NCS1: variants seen among roughly 807,000 people sequenced by gnomAD.
NCS1 encodes the protein frequenin homolog.
A neutral mutation model predicts 28.4 loss-of-function variants in NCS1; 6 were observed. The ratio of observed to expected loss-of-function variants is 0.21; its 90% CI spans 0.12 to 0.42. The LOEUF is 0.42. Ranked by LOEUF, NCS1 falls within the 10% of genes least tolerant of loss-of-function variation. The pLI is 1.00. For missense variants in NCS1, 131 were observed against 241.4 expected (o/e 0.54, Z 3.03); for synonymous variants, 86 against 99.3 (o/e 0.87, Z 0.79).
At chr9:130,203,551 G>A (rs148366642) in intron 2 of NCS1, among the ~76,000 whole-genome samples, 12 of 152,158 alleles carry the variant, frequency 7.9e-5, no homozygotes, top group Non-Finnish European at 1.2e-4. Context: ...AGGGACAGAC[G>A]TGAGCAGCTG....
At chr9:130,184,512 C>T (rs151086205) in intron 1 of NCS1, among the ~76,000 whole-genome samples, 68 of 152,310 alleles carry the variant, frequency 4.5e-4, no homozygotes, top group African/African-American at 1.4e-3. Context: ...TGCATCCCCG[C>T]GCCTTCACCT....
chr9:130,192,698 T>C lies in NCS1; in HGVS notation c.65-8260T>C, dbSNP rs2131128247. 6.6e-6 allele frequency among the ~76,000 whole-genome samples: 1 copy of C among 152,118 alleles called. No individual in the cohort carries two copies. The highest frequency in any genetic ancestry group is 1.9e-4 in the East Asian group (1 of 5,176). ...CTTCTGAAATCACCTGATGCTGCCGTGTGACTCCAGGGAGGTTCTCCCCCA... is the reference window on the plus strand; with the variant it reads ...CTTCTGAAATCACCTGATGCTGCCGCGTGACTCCAGGGAGGTTCTCCCCCA... On this transcript the variant is annotated intron_variant, in intron 1 of 7. Transcript: ENST00000372398. The surrounding 1 kb of genome is among the most constrained non-coding windows in gnomAD (Gnocchi z 4.8).
rs138726904 is a variant in NCS1, at chr9:130,175,681, CTGTGTG to C, written c.64+2959_64+2964del. ...CGTCTCTGGCTCTGTCTGTGGTGGT[CTGTGTG>C]TGTGAGGAAGCAGGAGTGTCTAAAG... On this transcript the variant is annotated intron_variant, in intron 1 of 7. Coordinates refer to ENST00000372398, the MANE Select transcript of NCS1 (RefSeq NM_014286.4). The surrounding 1 kb of genome is among the most constrained non-coding windows in gnomAD (Gnocchi z 4.9). Among the ~76,000 whole-genome samples the C allele has an allele frequency of 1.3e-5, 2 of 152,230 alleles. No homozygotes were observed. Among genetic ancestry groups the C allele is most frequent in the African/African-American group, 4.8e-5 (2 of 41,532 alleles).
intron 6 of NCS1, among the ~76,000 whole-genome samples, chr9:130,224,946 C>A (rs1554911199): frequency 4.6e-5 from 7 of 152,146 alleles, no homozygotes; most frequent in African/African-American, 1.7e-4. Flanking sequence ...CATCCCAGCA[C>A]TTTGGGAGGC....
chr9:130,198,746 G>A lies in NCS1; in HGVS notation c.65-2212G>A, dbSNP rs974381142. ...AGTCAGGGGAAGCAATTTGCCCAAGGACACACAGTGCCCTGTGGGGCCGGA... is the reference window on the plus strand; with the variant it reads ...AGTCAGGGGAAGCAATTTGCCCAAGAACACACAGTGCCCTGTGGGGCCGGA... On this transcript the variant is annotated intron_variant, in intron 1 of 7. Transcript: ENST00000372398. Among the ~76,000 whole-genome samples, 3 of 152,202 alleles carry A rather than the reference G, an allele frequency of 2.0e-5. No homozygotes were observed. The South Asian group carries it at 6.2e-4, about 32-fold the overall frequency.
In NCS1 at chr9:130,186,184, C is replaced by T. The variant is rs141916350; in HGVS notation, c.64+13457C>T. ...AACAGCTGCCTCGTGTTAGGCCCTG[C>T]GGATGCTGGGGCCACAGGGCAGGCT... On this transcript the variant is annotated intron_variant, in intron 1 of 7. Coordinates refer to ENST00000372398, the MANE Select transcript of NCS1 (RefSeq NM_014286.4). This position sits in a 1 kb window ranked among gnomAD's most constrained non-coding sequence, Gnocchi z 4.1. Among the ~76,000 whole-genome samples, 655 of 152,300 alleles carry T rather than the reference C, an allele frequency of 4.3e-3. 4 individuals are homozygous for T. The highest frequency in any genetic ancestry group is 0.015 in the African/African-American group (621 of 41,556).
At chr9:130,196,154 G>A (rs369636615) in intron 1 of NCS1, among the ~76,000 whole-genome samples, 1 of 152,308 alleles carries the variant, frequency 6.6e-6, no homozygotes, top group East Asian at 1.9e-4. Flanking sequence ...GGGAACTGCT[G>A]GGGGCACAGG....
chr9:130,208,011 A>G (rs893287488), intron 2 of NCS1, among the ~76,000 whole-genome samples: 3 of 151,996 alleles, frequency 2.0e-5, no homozygotes, highest in African/African-American at 7.3e-5. Flanking sequence ...AAGATCAGGA[A>G]CCACAATGAG....
chr9:130,173,156 G>A (rs954993369), intron 1 of NCS1, among the ~76,000 whole-genome samples: 24 of 151,856 alleles, frequency 1.6e-4, no homozygotes, highest in African/African-American at 5.1e-4. Context: ...CGCCGCCGCT[G>A]CTGCGAGATT....
At chr9:130,207,138 G>A (rs1833034660) in intron 2 of NCS1, among the ~76,000 whole-genome samples, 1 of 152,298 alleles carries the variant, frequency 6.6e-6, no homozygotes, top group South Asian at 2.1e-4. Context: ...ACGGGTCCGA[G>A]CCCCTGGTCT....
At chr9:130,174,320 T>C (rs1398398356) in intron 1 of NCS1, among the ~76,000 whole-genome samples, 4 of 152,244 alleles carry the variant, frequency 2.6e-5, no homozygotes, top group African/African-American at 9.6e-5. Flanking sequence ...ATCGAGCATG[T>C]CACGTGCCAA....
In NCS1 at chr9:130,180,487, G is replaced by A. The variant is rs546870198; in HGVS notation, c.64+7760G>A. ...AGATGAATCAATTTTCACATTCTGT[G>A]TGTGATCTATTTTGCAGGGCAGAGA... On this transcript the variant is annotated intron_variant, in intron 1 of 7. Coordinates refer to ENST00000372398, the MANE Select transcript of NCS1 (RefSeq NM_014286.4). This position sits in a 1 kb window ranked among gnomAD's most constrained non-coding sequence, Gnocchi z 4.5. Among the ~76,000 whole-genome samples the A allele has an allele frequency of 2.7e-3, 404 of 152,328 alleles. 3 individuals are homozygous for A. Among genetic ancestry groups the A allele is most frequent in the African/African-American group, 9.2e-3 (381 of 41,574 alleles).
At position 130,236,267 on chromosome 9, in the gene NCS1, G is replaced by C. The variant is rs1554913064; in HGVS notation, c.*3295G>C. ...CACCCGCCAGGCGGAAAGTCACCCT[G>C]TTCCCAGCGCGGTTTCAGCATTTAA... is the stretch of plus-strand genomic sequence containing the variant. On this transcript the variant is annotated 3_prime_UTR_variant, in exon 8 of 8. Coordinates refer to ENST00000372398, the MANE Select transcript of NCS1 (RefSeq NM_014286.4). The C allele has an allele frequency of 6.6e-6, 1 of 152,208 alleles. No homozygotes were observed. Among genetic ancestry groups the C allele is most frequent in the Non-Finnish European group, 1.5e-5 (1 of 68,052 alleles). 9.4% of individuals were successfully genotyped at this position (152,208 alleles called of 1,614,324 possible). A position where few individuals can be genotyped will look rare whatever the true frequency, so the allele number is the denominator to read the frequency against.
intron 1 of NCS1, among the ~76,000 whole-genome samples, chr9:130,187,057 C>T (rs1239567901): frequency 2.0e-5 from 3 of 151,990 alleles, no homozygotes; most frequent in Admixed American, 1.3e-4. Flanking sequence ...GGCGGGGGCG[C>T]GGGCAGTGAG....
At chr9:130,190,032 A>G (rs960121728) in intron 1 of NCS1, among the ~76,000 whole-genome samples, 43 of 120,506 alleles carry the variant, frequency 3.6e-4, no homozygotes, top group African/African-American at 1.2e-3. Flanking sequence ...ATGTTTATGC[A>G]AGAGAGAGAG....
chr9:130,213,469 C>T (rs1237498519), intron 2 of NCS1, among the ~76,000 whole-genome samples: 6 of 151,804 alleles, frequency 4.0e-5, no homozygotes, highest in African/African-American at 1.2e-4. Flanking sequence ...TTAGTAGAGA[C>T]GGGGTTTCAC....
chr9:130,236,003 T>C lies in NCS1; in HGVS notation c.*3031T>C, dbSNP rs1833585989. On this transcript the variant is annotated 3_prime_UTR_variant, in exon 8 of 8. Transcript: ENST00000372398. ...ATGGTGACTTAGGAGAATGTTCCGA[T>C]TTTCCATGATCTAAGCAGGCCACGT... 2.0e-5 allele frequency: 3 copies of C among 152,260 alleles called. No homozygotes were observed. Among genetic ancestry groups the C allele is most frequent in the Admixed American group, 2.0e-4 (3 of 15,290 alleles). The allele number at this position is 152,260 out of a possible 1,614,324, so 9.4% of individuals were successfully genotyped here.
intron 2 of NCS1, among the ~76,000 whole-genome samples, chr9:130,208,555 A>G (rs1244523237): frequency 2.0e-5 from 3 of 152,170 alleles, no homozygotes; most frequent in African/African-American, 4.8e-5. Context: ...GATTATGGGC[A>G]TGAGCCACTG....
chr9:130,219,885 C>A lies in NCS1; in HGVS notation c.307+82C>A. ...GAGGCAGCCCTCGGCCCTCACCAGG[C>A]AGGGGTGCCAGACACCCACTGCAGT... On this transcript the variant is annotated intron_variant, in intron 4 of 7. Transcript: ENST00000372398. This position sits in a 1 kb window ranked among gnomAD's most constrained non-coding sequence, Gnocchi z 5.7. 1.4e-6 allele frequency: 2 copies of A among 1,415,342 alleles called. No individual in the cohort carries two copies. Among genetic ancestry groups the A allele is most frequent in the Non-Finnish European group, 2.0e-6 (2 of 1,004,820 alleles). The allele number at this position is 1,415,342 out of a possible 1,614,324, so 87.7% of individuals were successfully genotyped here.
Sources: gnomAD v4.1 joint callset for allele counts (sites outside exome capture counted in the v4.1 genomes callset) on GRCh38, gnomAD v4.1.1 for gene constraint, Gnocchi (gnomAD v3.1) non-coding constraint, MANE v1.5 for transcripts, NCBI Gene and HGNC (gene_info 2026-07-23, HGNC 2026-07-21) for gene names.